Variants in RASA4B observed in about 807,000 individuals in gnomAD.
RASA4B encodes ras GTPase-activating protein 4B.
A neutral mutation model predicts 24.2 loss-of-function variants in RASA4B; 2 were observed. The observed-to-expected ratio is 0.08, with a 90% CI of 0.03 to 0.26. The LOEUF (loss-of-function observed/expected upper bound fraction) is 0.26. Ranked by LOEUF, RASA4B falls within the 10% of genes least tolerant of loss-of-function variation. The pLI is 1.00. For missense variants in RASA4B, 8 were observed against 277.2 expected, an observed-to-expected ratio of 0.03 and a Z score of 6.90; for synonymous variants, 2 against 125.6, an observed-to-expected ratio of 0.02 and a Z score of 6.58.
intron 16 of RASA4B, among the ~76,000 whole-genome samples, chr7:102,492,012 C>T (rs1280586747): frequency 9.4e-5 from 2 of 21,330 alleles, no homozygotes; most frequent in African/African-American, 1.8e-4. Context: ...CCCAGCTACT[C>T]GGGAGGCTGA....
chr7:102,490,760 C>T (rs1798904503), intron 17 of RASA4B, among the ~76,000 whole-genome samples: 2 of 151,294 alleles, frequency 1.3e-5, no homozygotes, highest in Admixed American at 1.3e-4. Context: ...AGGCCACTCC[C>T]ATAGCACCCA....
At chr7:102,485,431 T>C in intron 18 of RASA4B, among the ~76,000 whole-genome samples, 1 of 151,448 alleles carries the variant, frequency 6.6e-6, no homozygotes, top group African/African-American at 2.4e-5. Context: ...AGGATATGAC[T>C]CGGGTTGCTG....
chr7:102,489,471 ACT>A (rs1798821444), intron 17 of RASA4B, among the ~76,000 whole-genome samples: 1 of 129,544 alleles, frequency 7.7e-6, no homozygotes, highest in African/African-American at 2.8e-5. Flanking sequence ...CTCCCTGACC[ACT>A]CTTTAATTAA....
chr7:102,512,836 AGTAAAGAGGGAGGGG>A, intron 1 of RASA4B, among the ~76,000 whole-genome samples: 1 of 97,160 alleles, frequency 1.0e-5, no homozygotes, highest in East Asian at 3.2e-4. Flanking sequence ...AGAGGGAGGG[AGTAAAGAGGGAGGGG>A]GAGACTGAGG....
rs1436267562 is a variant in RASA4B, at chr7:102,479,982, G to C, written c.*3610C>G. On this transcript the variant is annotated 3_prime_UTR_variant, in exon 21 of 21. Coordinates refer to ENST00000465829, the MANE Select transcript of RASA4B (RefSeq NM_001367767.2). Reference sequence around the variant, plus strand: ...ATGAATCATTAATCATTAGTTTGTAGTAATTATTCTTTATTCCAATATTAT... The same window carrying C: ...ATGAATCATTAATCATTAGTTTGTACTAATTATTCTTTATTCCAATATTAT... Among the ~76,000 whole-genome samples the C allele has an allele frequency of 8.5e-5, 13 of 152,072 alleles. No individual in the cohort carries two copies. The highest frequency in any genetic ancestry group is 3.1e-4 in the African/African-American group (13 of 41,450).
rs1180269731 is a variant in RASA4B, at chr7:102,481,058, CTCT to C, written c.*2531_*2533del. Among the ~76,000 whole-genome samples, 3 of 91,210 alleles carry C rather than the reference CTCT, an allele frequency of 3.3e-5. No homozygotes were observed. The highest frequency in any genetic ancestry group is 2.2e-4 in the Admixed American group (2 of 9,046). 59.8% of individuals were successfully genotyped at this position (91,210 alleles called of 152,430 possible). On this transcript the variant is annotated 3_prime_UTR_variant, in exon 21 of 21. Coordinates refer to ENST00000465829, the MANE Select transcript of RASA4B (RefSeq NM_001367767.2). ...TTTGTTGCAATTGGTTAAATATCTTCTCTTTTTTATACTTTTTATTGTAGTAAA... is the reference window on the plus strand; with the variant it reads ...TTTGTTGCAATTGGTTAAATATCTTCTTTTTATACTTTTTATTGTAGTAAA...
Position 102,482,377 on chromosome 7 carries a change from A to AG in RASA4B, c.*1214dup, listed in dbSNP as rs1450085962. 1 of 130,180 alleles carries AG rather than the reference A, an allele frequency of 7.7e-6. No homozygotes were observed. The highest frequency in any genetic ancestry group is 1.7e-5 in the Non-Finnish European group (1 of 57,634). The allele number at this position is 130,180 out of a possible 1,614,324, so 8.1% of individuals were successfully genotyped here. A position where few individuals can be genotyped will look rare whatever the true frequency, so the allele number is the denominator to read the frequency against. ...AGGGCTTGGTGGGCAGCCCTATGGG[A>AG]GGGGGAGCTGGTGGGGGACCACAGG... is the stretch of plus-strand genomic sequence containing the variant. On this transcript the variant is annotated 3_prime_UTR_variant, in exon 21 of 21. Coordinates refer to ENST00000465829, the MANE Select transcript of RASA4B (RefSeq NM_001367767.2).
chr7:102,484,770 T>G (rs62483850), intron 19 of RASA4B, among the ~76,000 whole-genome samples: 1 of 136,698 alleles, frequency 7.3e-6, no homozygotes, highest in Non-Finnish European at 1.6e-5. Flanking sequence ...ACTCAGGGAA[T>G]TGGCTGAGGC....
intron 5 of RASA4B, among the ~76,000 whole-genome samples, chr7:102,503,828 G>C: frequency 1.9e-5 from 1 of 52,112 alleles, no homozygotes; most frequent in Non-Finnish European, 5.6e-5. Flanking sequence ...TTGAGACGGA[G>C]TCTCGCTCTG....
At chr7:102,490,833 C>G (rs1798912900) in intron 17 of RASA4B, among the ~76,000 whole-genome samples, 153 bp downstream of exon 17, 2 of 148,622 alleles carry the variant, frequency 1.3e-5, no homozygotes, top group African/African-American at 4.9e-5. Context: ...AGCACCCAGG[C>G]CACTCCCATA....
chr7:102,504,815 C>T (rs1488674279), intron 5 of RASA4B, among the ~76,000 whole-genome samples: 3 of 142,906 alleles, frequency 2.1e-5, no homozygotes, highest in Admixed American at 7.2e-5. Flanking sequence ...GCCTAGCCAA[C>T]ATAGTGAAGT....
chr7:102,492,775 G>A (rs1392932631), intron 16 of RASA4B, among the ~76,000 whole-genome samples: 649 of 90,258 alleles, frequency 7.2e-3, no homozygotes, highest in African/African-American at 0.016. Flanking sequence ...AGCGATTCCC[G>A]TGCCTCAGCC....
intron 8 of RASA4B, among the ~76,000 whole-genome samples, chr7:102,498,357 G>A (rs1400348935): frequency 1.4e-5 from 2 of 145,240 alleles, no homozygotes; most frequent in South Asian, 2.2e-4. Context: ...CACCTCCCAG[G>A]TTCAAGCAAT....
intron 1 of RASA4B, among the ~76,000 whole-genome samples, chr7:102,512,960 C>T (rs554077287): frequency 2.1e-3 from 323 of 151,258 alleles, no homozygotes; most frequent in African/African-American, 7.6e-3. Flanking sequence ...CTGTTCCTCC[C>T]GCAGGGGATA....
At chr7:102,504,677 C>T (rs1799432761) in intron 5 of RASA4B, among the ~76,000 whole-genome samples, 1 of 85,912 alleles carries the variant, frequency 1.2e-5, no homozygotes, top group Non-Finnish European at 2.3e-5. Context: ...GCCAGACTGC[C>T]TCAAAAAAAA....
At chr7:102,498,457 T>C (rs1209567311) in intron 8 of RASA4B, among the ~76,000 whole-genome samples, 1 of 144,602 alleles carries the variant, frequency 6.9e-6, no homozygotes, top group Non-Finnish European at 1.5e-5. Context: ...AGACGGGATT[T>C]CACCATGTTG....
intron 16 of RASA4B, among the ~76,000 whole-genome samples, chr7:102,492,832 T>C (rs1389755256): frequency 2.1e-5 from 3 of 140,864 alleles, no homozygotes; most frequent in African/African-American, 4.9e-5. Context: ...ACCCGGCTGA[T>C]TTTTTGTATT....
chr7:102,497,360 G>T (rs1799186263), intron 8 of RASA4B, among the ~76,000 whole-genome samples: 1 of 151,400 alleles, frequency 6.6e-6, no homozygotes, highest in African/African-American at 2.4e-5. Context: ...AGCCAGTTCA[G>T]CAACTTGCCA....
intron 5 of RASA4B, among the ~76,000 whole-genome samples, chr7:102,506,054 T>G (rs1474952852): frequency 6.6e-6 from 1 of 150,558 alleles, no homozygotes. Context: ...AAGCCGGCCT[T>G]AGCACTGGGG....
Sources: gnomAD v4.1 joint callset for allele counts (sites outside exome capture counted in the v4.1 genomes callset) on GRCh38, gnomAD v4.1.1 for gene constraint, MANE v1.5 for transcripts, NCBI Gene and HGNC (gene_info 2026-07-23, HGNC 2026-07-21) for gene names.